The following SESN1 variants were observed in gnomAD, a reference collection of about 807,000 sequenced individuals.
SESN1 encodes the protein sestrin-1.
A neutral mutation model predicts 59.3 loss-of-function variants in SESN1; 30 were observed. The ratio of observed to expected loss-of-function variants is 0.51; its 90% confidence interval spans 0.38 to 0.69. The LOEUF is 0.69. Among genes scored for constraint, SESN1 ranks in the 30% least tolerant of loss-of-function variants. The probability of loss-of-function intolerance (pLI) is 0.00; values close to 1 mark genes in which losing one functional copy is unlikely to be tolerated. For missense variants in SESN1, 566 were observed against 673.0 expected (o/e 0.84, Z 1.76); for synonymous variants, 197 against 219.9 (o/e 0.90, Z 0.92).
intron 1 of SESN1, among the ~76,000 whole-genome samples, chr6:109,082,496 C>T (rs1781140363): frequency 6.6e-6 from 1 of 152,174 alleles, no homozygotes. Flanking sequence ...ATGGTCTTGA[C>T]CATTATCCTC....
At chr6:109,024,128 G>T (rs1453730984) in intron 1 of SESN1, among the ~76,000 whole-genome samples, 3 of 152,128 alleles carry the variant, frequency 2.0e-5, no homozygotes, top group East Asian at 1.9e-4. Flanking sequence ...TTAAAAAAAA[G>T]ATGTAAAATA....
chr6:109,010,755 G>A (rs1447675033), intron 1 of SESN1, among the ~76,000 whole-genome samples: 3 of 152,190 alleles, frequency 2.0e-5, no homozygotes, highest in African/African-American at 7.2e-5. Context: ...TTGAGTTAAT[G>A]TCGATATAGA....
At chr6:109,077,702 AG>A (rs530808855) in intron 1 of SESN1, among the ~76,000 whole-genome samples, 207 of 152,318 alleles carry the variant, frequency 1.4e-3, no homozygotes, top group African/African-American at 4.8e-3. Context: ...GAGAATGCCT[AG>A]GAGCTTCCCG....
At chr6:109,064,741 A>G (rs1780794383) in intron 1 of SESN1, among the ~76,000 whole-genome samples, 1 of 148,700 alleles carries the variant, frequency 6.7e-6, no homozygotes. Context: ...GGAGGGAGGG[A>G]TAGCAAGCAT....
chr6:109,007,828 G>GA (rs1186911909), intron 1 of SESN1, among the ~76,000 whole-genome samples: 1 of 115,750 alleles, frequency 8.6e-6, no homozygotes, highest in Non-Finnish European at 1.7e-5. Flanking sequence ...CTATATTTTA[G>GA]AAAAAAAACT....
chr6:109,036,224 A>G (rs1397224396), intron 1 of SESN1, among the ~76,000 whole-genome samples: 2 of 152,250 alleles, frequency 1.3e-5, no homozygotes, highest in African/African-American at 4.8e-5. Context: ...TTGCTAAAAT[A>G]GAATCTAAAT....
At chr6:108,991,637 A>C (rs1265236912) in intron 7 of SESN1, among the ~76,000 whole-genome samples, 2 of 152,132 alleles carry the variant, frequency 1.3e-5, no homozygotes, top group East Asian at 3.9e-4. Context: ...TCTCCTAATT[A>C]GTTTTCCTAT....
intron 8 of SESN1, among the ~76,000 whole-genome samples, chr6:108,989,098 G>C (rs1408636361): frequency 6.6e-6 from 1 of 152,092 alleles, no homozygotes; most frequent in East Asian, 1.9e-4. Context: ...TGCTTCCTGG[G>C]TTCAAGCGAT....
At chr6:109,088,079 T>C (rs1562478091) in intron 1 of SESN1, 1 of 152,006 alleles carries the variant, frequency 6.6e-6, no homozygotes, top group African/African-American at 2.4e-5. Context: ...CCAATCCCAG[T>C]CAATAGAAAC....
At chr6:109,043,990 T>C (rs998092879) in intron 1 of SESN1, among the ~76,000 whole-genome samples, 3 of 151,870 alleles carry the variant, frequency 2.0e-5, no homozygotes, top group African/African-American at 7.3e-5. Context: ...AGCCCAGAAA[T>C]AGACTGATAA....
At position 108,985,759 on chromosome 6, in the gene SESN1, T is replaced by G. The variant is rs946378287; in HGVS notation, c.*1785A>C. On this transcript the variant is annotated 3_prime_UTR_variant, in exon 10 of 10. Coordinates refer to ENST00000436639, the MANE Select transcript of SESN1 (RefSeq NM_014454.3). ...AATGGGATAAGTAAAATTTTAACTATCTTCTTGGGTTCAATTGTATTGCTC... is the reference window on the plus strand; with the variant it reads ...AATGGGATAAGTAAAATTTTAACTAGCTTCTTGGGTTCAATTGTATTGCTC... Among the ~76,000 whole-genome samples the G allele has an allele frequency of 2.0e-5, 3 of 152,164 alleles. No individual in the cohort carries two copies. Among genetic ancestry groups the G allele is most frequent in the African/African-American group, 7.2e-5 (3 of 41,454 alleles).
At chr6:109,003,257 C>CAT (rs1779664975) in intron 1 of SESN1, among the ~76,000 whole-genome samples, 1 of 150,868 alleles carries the variant, frequency 6.6e-6, no homozygotes, top group Non-Finnish European at 1.5e-5. Context: ...CCCCTTCACT[C>CAT]ATATATATTA....
intron 1 of SESN1, among the ~76,000 whole-genome samples, chr6:109,059,870 G>A (rs1014987211): frequency 5.3e-5 from 8 of 151,982 alleles, no homozygotes; most frequent in African/African-American, 1.5e-4. Flanking sequence ...GCAATTTGAC[G>A]ATTTCTTCCA....
At chr6:109,067,655 CTCACCTTGACTAT>C (rs1406247063) in intron 1 of SESN1, among the ~76,000 whole-genome samples, 1 of 152,200 alleles carries the variant, frequency 6.6e-6, no homozygotes, top group Non-Finnish European at 1.5e-5. Flanking sequence ...CTCAACTGCA[CTCACCTTGACTAT>C]TCACAAGAGC....
chr6:108,998,412 T>TCTTA (rs948344294), intron 5 of SESN1, 101 bp downstream of exon 5: 1 of 1,425,012 alleles, frequency 7.0e-7, no homozygotes, highest in Non-Finnish European at 9.6e-7. Flanking sequence ...ATCTCCACAG[T>TCTTA]CTTAACAGGG....
At chr6:109,093,014 A>T (rs899363343) in intron 1 of SESN1, among the ~76,000 whole-genome samples, 8 of 152,244 alleles carry the variant, frequency 5.3e-5, no homozygotes, top group African/African-American at 1.9e-4. Context: ...ATTGACAAGC[A>T]TATATAAGGT....
intron 1 of SESN1, chr6:109,008,964 G>A (rs893595347): frequency 3.8e-5 from 38 of 1,000,974 alleles, no homozygotes; most frequent in Non-Finnish European, 4.3e-5. Flanking sequence ...AGACAATCGA[G>A]GGGGCATATC....
At chr6:109,012,019 C>T (rs1779867077) in intron 1 of SESN1, among the ~76,000 whole-genome samples, 1 of 152,130 alleles carries the variant, frequency 6.6e-6, no homozygotes, top group Non-Finnish European at 1.5e-5. Flanking sequence ...AAAGTATTTT[C>T]CAAGGATTTC....
At chr6:109,077,093 A>G (rs986415756) in intron 1 of SESN1, among the ~76,000 whole-genome samples, 3 of 152,250 alleles carry the variant, frequency 2.0e-5, no homozygotes, top group African/African-American at 4.8e-5. Context: ...ATATCTAAAC[A>G]TAGAAAAAGT....
Sources: gnomAD v4.1 joint callset for allele counts (sites outside exome capture counted in the v4.1 genomes callset) on GRCh38, gnomAD v4.1.1 for gene constraint, MANE v1.5 for transcripts, NCBI Gene and HGNC (gene_info 2026-07-23, HGNC 2026-07-21) for gene names.